The following BBS9 variants were observed in gnomAD, a reference collection of about 807,000 sequenced individuals.
The protein encoded by BBS9 is Bardet-Biedl syndrome 9, also known as protein PTHB1.
Under a neutral mutation model 117.7 loss-of-function variants are expected in BBS9, and 89 were observed. The observed-to-expected ratio is 0.76, with a 90% confidence interval of 0.64 to 0.90. The LOEUF (loss-of-function observed/expected upper bound fraction) is 0.90, where lower values mean the gene tolerates loss of function less well. Ranked by LOEUF, BBS9 falls within the 40% of genes least tolerant of loss-of-function variation. The pLI is 0.00. For missense variants in BBS9, 982 were observed against 1,042.2 expected (o/e 0.94, Z 0.80); for synonymous variants, 379 against 370.9 (o/e 1.02, Z -0.25).
At chr7:33,376,808 T>C (rs1395186107) in intron 17 of BBS9, among the ~76,000 whole-genome samples, 1 of 152,170 alleles carries the variant, frequency 6.6e-6, no homozygotes, top group Non-Finnish European at 1.5e-5. Flanking sequence ...TGATATTGAG[T>C]ATTATTTCAT....
At chr7:33,157,512 G>A (rs1230716504) in intron 4 of BBS9, 1 of 149,732 alleles carries the variant, frequency 6.7e-6, no homozygotes, top group Non-Finnish European at 1.5e-5. Flanking sequence ...CTGACAATTT[G>A]TATATTTTTC....
chr7:33,233,082 T>C (rs1792791208), intron 5 of BBS9, among the ~76,000 whole-genome samples: 2 of 152,198 alleles, frequency 1.3e-5, no homozygotes, highest in Non-Finnish European at 1.5e-5. Flanking sequence ...TGATGCATGC[T>C]ATCTATTGAA....
At chr7:33,221,638 T>C (rs1223095880) in intron 5 of BBS9, among the ~76,000 whole-genome samples, 1 of 152,150 alleles carries the variant, frequency 6.6e-6, no homozygotes, top group Non-Finnish European at 1.5e-5. Flanking sequence ...TCTAGAGTAC[T>C]TCAGGCAATT....
chr7:33,514,509 G>A (rs1847439378), intron 20 of BBS9, among the ~76,000 whole-genome samples: 1 of 152,094 alleles, frequency 6.6e-6, no homozygotes, highest in Non-Finnish European at 1.5e-5. Context: ...CACAGGGTTA[G>A]GATGGGAGCT....
At chr7:33,595,752 G>A (rs1258572117) in intron 21 of BBS9, among the ~76,000 whole-genome samples, 1 of 151,954 alleles carries the variant, frequency 6.6e-6, no homozygotes, top group Non-Finnish European at 1.5e-5. Flanking sequence ...ATTTACAATA[G>A]CAAAGACATG....
intron 21 of BBS9, among the ~76,000 whole-genome samples, chr7:33,558,559 G>A (rs917336414): frequency 2.6e-5 from 4 of 152,146 alleles, no homozygotes; most frequent in Admixed American, 2.6e-4. Flanking sequence ...GATTATAGAG[G>A]AGGCCTTGTT....
chr7:33,338,708 C>T (rs1007837756), intron 10 of BBS9, among the ~76,000 whole-genome samples: 1 of 152,162 alleles, frequency 6.6e-6, no homozygotes. Flanking sequence ...CTGTATGGCT[C>T]ATGGATTCTG....
At chr7:33,423,096 T>C (rs1263690306) in intron 19 of BBS9, among the ~76,000 whole-genome samples, 1 of 152,096 alleles carries the variant, frequency 6.6e-6, no homozygotes, top group Non-Finnish European at 1.5e-5. Flanking sequence ...TTTGCTGATT[T>C]AGGAGGTAGA....
At chr7:33,285,849 A>G (rs1802777373) in intron 9 of BBS9, among the ~76,000 whole-genome samples, 2 of 152,058 alleles carry the variant, frequency 1.3e-5, no homozygotes, top group Non-Finnish European at 2.9e-5. Context: ...TAATTCTCAG[A>G]AAAATTCTCC....
chr7:33,331,605 A>T (rs533756487), intron 9 of BBS9, among the ~76,000 whole-genome samples: 9 of 151,714 alleles, frequency 5.9e-5, no homozygotes, highest in Admixed American at 2.6e-4. Flanking sequence ...ACTGCTATAC[A>T]CTAACAACAA....
intron 21 of BBS9, among the ~76,000 whole-genome samples, chr7:33,539,402 C>T (rs1216382199): frequency 6.6e-6 from 1 of 152,210 alleles, no homozygotes; most frequent in Non-Finnish European, 1.5e-5. Flanking sequence ...CACTCCAATC[C>T]TGCTGTGTCA....
chr7:33,591,840 T>C (rs1280069732), intron 21 of BBS9, among the ~76,000 whole-genome samples: 1 of 151,920 alleles, frequency 6.6e-6, no homozygotes, highest in Non-Finnish European at 1.5e-5. Flanking sequence ...ACAATGAATG[T>C]GATTATGTAC....
intron 5 of BBS9, among the ~76,000 whole-genome samples, chr7:33,201,658 A>G (rs535191843): frequency 1.3e-5 from 2 of 152,200 alleles, no homozygotes; most frequent in Admixed American, 1.3e-4. Context: ...GGCTTACCAC[A>G]GGTCTGATTT....
chr7:33,586,941 G>A (rs1404107151), intron 21 of BBS9, among the ~76,000 whole-genome samples: 1 of 151,982 alleles, frequency 6.6e-6, no homozygotes, highest in African/African-American at 2.4e-5. Context: ...TACCTGTTGG[G>A]TACTATGCTC....
In BBS9 at chr7:33,565,831, C is replaced by CCATA. The variant is rs1563370308; in HGVS notation, c.2521+31655_2521+31656insCATA. Among the ~76,000 whole-genome samples the CCATA allele has an allele frequency of 1.1e-4, 3 of 28,452 alleles. No homozygotes were observed. The African/African-American group carries it at 1.5e-3, about 14-fold the overall frequency. 18.7% of individuals were successfully genotyped at this position (28,452 alleles called of 152,430 possible). A position where few individuals can be genotyped will look rare whatever the true frequency, so the allele number is the denominator to read the frequency against. On this transcript the variant is annotated intron_variant, in intron 21 of 22. Transcript: ENST00000242067. The stretch of plus-strand genomic sequence containing the variant: ...TATATATATATATATATATATACCG[C>CCATA]TATATATACTGCTTATATATATATA...
intron 2 of BBS9, among the ~76,000 whole-genome samples, chr7:33,146,811 A>T (rs1265782288): frequency 1.3e-5 from 2 of 151,314 alleles, no homozygotes; most frequent in Non-Finnish European, 2.9e-5. Context: ...AGTTTTTTTT[A>T]ATAATATTTA....
intron 1 of BBS9, among the ~76,000 whole-genome samples, chr7:33,141,436 G>T (rs1341016796): frequency 1.3e-5 from 2 of 152,042 alleles, no homozygotes; most frequent in Admixed American, 1.3e-4. Context: ...CCCCAAAAAA[G>T]CTCACTGCAG....
At chr7:33,174,800 T>G (rs1286495506) in intron 4 of BBS9, among the ~76,000 whole-genome samples, 1 of 152,194 alleles carries the variant, frequency 6.6e-6, no homozygotes, top group Non-Finnish European at 1.5e-5. Flanking sequence ...GAGCTGCTCT[T>G]TCTGGTTTCT....
intron 2 of BBS9, among the ~76,000 whole-genome samples, chr7:33,150,639 G>T (rs749502687): frequency 6.6e-6 from 1 of 152,152 alleles, no homozygotes; most frequent in African/African-American, 2.4e-5. Context: ...TGAACTTATG[G>T]GCAGAAATGT....
Sources: gnomAD v4.1 joint callset for allele counts (sites outside exome capture counted in the v4.1 genomes callset) on GRCh38, gnomAD v4.1.1 for gene constraint, MANE v1.5 for transcripts, NCBI Gene and HGNC (gene_info 2026-07-23, HGNC 2026-07-21) for gene names.